Variants in KDM5A observed in about 807,000 individuals in gnomAD.
The protein encoded by KDM5A is lysine demethylase 5A.
KDM5A carries 42 observed loss-of-function variants against 193.5 expected under a neutral mutation model. The observed-to-expected ratio is 0.22, with a 90% confidence interval of 0.17 to 0.28. The LOEUF (loss-of-function observed/expected upper bound fraction) is 0.28, where lower values mean the gene tolerates loss of function less well. KDM5A is among the 10% of genes least tolerant of loss of function. The pLI is 1.00. For missense variants in KDM5A, 1,692 were observed against 2,055.1 expected (o/e 0.82, Z 3.42); for synonymous variants, 796 against 718.1 (o/e 1.11, Z -1.73).
intron 4 of KDM5A, 99 bp from the exon 5 acceptor site, chr12:363,196 C>T: frequency 2.2e-6 from 3 of 1,337,718 alleles, no homozygotes; most frequent in South Asian, 1.2e-5. Context: ...ATCCCTAAAA[C>T]TAGACCGCAA....
Position 307,237 on chromosome 12 carries a change from T to G in KDM5A, c.3931-148A>C. The G allele has an allele frequency of 9.2e-7, 1 of 1,084,820 alleles. No individual in the cohort carries two copies. The highest frequency in any genetic ancestry group is 1.4e-6 in the Non-Finnish European group (1 of 730,354). 67.2% of individuals were successfully genotyped at this position (1,084,820 alleles called of 1,614,324 possible). On this transcript the variant is annotated intron_variant, in intron 23 of 27. Transcript: ENST00000399788. This position sits in a 1 kb window ranked among gnomAD's most constrained non-coding sequence, Gnocchi z 4.3. ...GTTAGTAGAAATCAAATTATTTGAT[T>G]ATGATGCCAAAGTCCACCTGAATGA...
At chr12:323,572 G>C (rs1311805118) in intron 15 of KDM5A, 28 bp downstream of exon 15, 1 of 1,602,396 alleles carries the variant, frequency 6.2e-7, no homozygotes, top group Non-Finnish European at 8.6e-7. Flanking sequence ...AAAAGGTAAT[G>C]GAAGTTTTAC....
chr12:361,454 A>G (rs745662684), intron 5 of KDM5A, among the ~76,000 whole-genome samples: 3 of 152,146 alleles, frequency 2.0e-5, no homozygotes, highest in Non-Finnish European at 2.9e-5. Flanking sequence ...TCAGCCTCCC[A>G]AAGTGCTAGG....
chr12:289,907 C>CTTTTTTTT (rs750918968), intron 27 of KDM5A, among the ~76,000 whole-genome samples: 64 of 99,510 alleles, frequency 6.4e-4, no homozygotes, highest in Non-Finnish European at 9.5e-4. Flanking sequence ...TTCTTTCTTT[C>CTTTTTTTT]TTTTTTTTTT....
rs756452184 is a variant in KDM5A at position 293,003 on chromosome 12, C to T, written c.4622G>A (p.Gly1541Asp). The T allele has an allele frequency of 1.3e-6, 2 of 1,592,456 alleles. No homozygotes were observed. The highest frequency in any genetic ancestry group is 1.7e-6 in the Non-Finnish European group (2 of 1,174,766). Reference protein sequence around the residue: ...DKPRKKKLKLGADKSKELNKL... With the variant: ...DKPRKKKLKLDADKSKELNKL... ...ATTCAGCTCCTTTGATTTGTCTGCA[C>T]CTAATTTTAATTTCTTCTTTCTAGG... Residue 1541 changes from glycine (G) to aspartate (D), a missense_variant, in exon 27 of 28, where the codon GGT becomes GAT. By Grantham distance (94) the Gly-to-Asp change is moderately conservative. This residue lies in a region of KDM5A where 965 missense variants were observed against 1,061.0 expected (regional missense o/e 0.91). Transcript: ENST00000399788.
intron 27 of KDM5A, among the ~76,000 whole-genome samples, chr12:289,044 T>C (rs970794226): frequency 2.0e-5 from 3 of 152,072 alleles, no homozygotes; most frequent in African/African-American, 7.2e-5. Context: ...AACACCCCCA[T>C]GAAAATCTTA....
In KDM5A at chr12:389,104, G is replaced by GT; in HGVS notation, c.-14_-13insA. 4.5e-6 allele frequency: 1 copy of GT among 220,232 alleles called. No individual in the cohort carries two copies. Among genetic ancestry groups the GT allele is most frequent in the South Asian group, 6.0e-5 (1 of 16,614 alleles). 13.6% of individuals were successfully genotyped at this position (220,232 alleles called of 1,614,324 possible). ...CCACGCCCGCCATTGCAACGGCCGGGGGGGGGGGGGGGTCCCCGTGGGGAA... is the reference window on the plus strand; with the variant it reads ...CCACGCCCGCCATTGCAACGGCCGGGTGGGGGGGGGGGGTCCCCGTGGGGAA... On this transcript the variant is annotated 5_prime_UTR_variant, in exon 1 of 28. Transcript: ENST00000399788.
In KDM5A at chr12:295,635, T is replaced by C; in HGVS notation, c.4393A>G (p.Ile1465Val). 1 of 1,614,174 alleles carries C rather than the reference T, an allele frequency of 6.2e-7. No homozygotes were observed. The highest frequency in any genetic ancestry group is 2.2e-5 in the East Asian group (1 of 44,882). Residue 1465 changes from isoleucine to valine, a missense_variant, in exon 26 of 28, where the codon ATA becomes GTA. By Grantham distance (29) the Ile-to-Val change is conservative. Coordinates refer to ENST00000399788, the MANE Select transcript of KDM5A (RefSeq NM_001042603.3). ...TGTGTGGCCTGCAAAATCCGCCATATGTGTTGAGTCTCGTCCAGAGATACT... is the reference window on the plus strand; with the variant it reads ...TGTGTGGCCTGCAAAATCCGCCATACGTGTTGAGTCTCGTCCAGAGATACT... ...LEVSLDETQH[I>V]WRILQATHPP...
rs192288101 is a variant in KDM5A at position 322,623 on chromosome 12, T to C, written c.2276-56A>G. The C allele has an allele frequency of 7.8e-5, 116 of 1,494,984 alleles. No homozygotes were observed. The East Asian group carries it at 2.3e-3, about 30-fold the overall frequency. 92.6% of individuals were successfully genotyped at this position (1,494,984 alleles called of 1,614,324 possible). On this transcript the variant is annotated intron_variant, in intron 16 of 27. Coordinates refer to ENST00000399788, the MANE Select transcript of KDM5A (RefSeq NM_001042603.3). Reference sequence around the variant, plus strand: ...AATAACCATAGACACAAAAAGCCATTCTAAAATCTTCACCAACCTCACTCA... The same window carrying C: ...AATAACCATAGACACAAAAAGCCATCCTAAAATCTTCACCAACCTCACTCA...
chr12:332,564 A>G (rs1682570785), intron 12 of KDM5A, among the ~76,000 whole-genome samples: 1 of 152,212 alleles, frequency 6.6e-6, no homozygotes. Flanking sequence ...ATCAGGCATT[A>G]GCTTGAATTT....
chr12:294,420 G>A (rs1943343631), intron 26 of KDM5A, among the ~76,000 whole-genome samples: 1 of 152,144 alleles, frequency 6.6e-6, no homozygotes, highest in Admixed American at 6.5e-5. Context: ...AGAATCAGCA[G>A]AATCCAAAAG....
Position 385,980 on chromosome 12 carries a change from TAG to T in KDM5A, c.166-8_166-7del. The T allele has an allele frequency of 6.2e-7, 1 of 1,610,660 alleles. No homozygotes were observed. The highest frequency in any genetic ancestry group is 8.5e-7 in the Non-Finnish European group (1 of 1,177,052). On this transcript the variant is annotated splice_polypyrimidine_tract_variant and splice_region_variant and intron_variant, in intron 1 of 27. Transcript: ENST00000399788. ...GCAAATGGAGGCTGCCAGTCCTAAA[TAG>T]AAAGATTTTTTTAAAAAAACACAGT...
rs1485983791 is a variant in KDM5A at position 285,523 on chromosome 12, G to A, written c.5006C>T (p.Pro1669Leu). The A allele has an allele frequency of 1.9e-6, 3 of 1,613,948 alleles. No individual in the cohort carries two copies. The highest frequency in any genetic ancestry group is 2.7e-5 in the African/African-American group (2 of 74,916). ...AKKQGPVSPG[P>L]APPPSFIMSY... ...CATTATGAAGGAAGGAGGTGGTGCT[G>A]GACCTGGGCTAACTGGCCCCTGCTT... is the stretch of plus-strand genomic sequence containing the variant. Residue 1669 changes from proline to leucine, a missense_variant, in exon 28 of 28, where the codon CCA (proline) becomes CTA (leucine). Pro to Leu is a moderately conservative substitution (Grantham distance 98). Coordinates refer to ENST00000399788, the MANE Select transcript of KDM5A (RefSeq NM_001042603.3).
chr12:289,806 A>T (rs924616102), intron 27 of KDM5A, among the ~76,000 whole-genome samples: 2 of 151,796 alleles, frequency 1.3e-5, no homozygotes, highest in African/African-American at 4.8e-5. Context: ...ATTACTGGTC[A>T]GAGAATTCAC....
intron 24 of KDM5A, 113 bp from the exon 25 acceptor site, chr12:297,313 G>T (rs1943386106): frequency 5.9e-6 from 5 of 854,698 alleles, no homozygotes; most frequent in Non-Finnish European, 9.3e-6. Flanking sequence ...AAAAATATGA[G>T]ATTAAAATTA....
At chr12:372,738 T>C (rs1030879584) in intron 3 of KDM5A, among the ~76,000 whole-genome samples, 2 of 152,224 alleles carry the variant, frequency 1.3e-5, no homozygotes, top group East Asian at 1.9e-4. Flanking sequence ...TTGTCATAAA[T>C]AGCTCTTATT....
intron 26 of KDM5A, among the ~76,000 whole-genome samples, chr12:295,095 G>C (rs1943352032): frequency 6.6e-6 from 1 of 152,082 alleles, no homozygotes. Flanking sequence ...GGGCTACAGA[G>C]GTTGTTCTAA....
At chr12:387,178 G>T in intron 1 of KDM5A, 1 of 307,036 alleles carries the variant, frequency 3.3e-6, no homozygotes, top group Non-Finnish European at 6.2e-6. Flanking sequence ...GTTTGATTTG[G>T]CCTAAATAAC....
At chr12:350,270 CTACAAAAA>C (rs759136840) in intron 10 of KDM5A, among the ~76,000 whole-genome samples, 8 of 151,882 alleles carry the variant, frequency 5.3e-5, no homozygotes, top group Admixed American at 2.0e-4. Context: ...AACCCTGTCT[CTACAAAAA>C]TACAAAAATT....
Sources: allele counts gnomAD v4.1 joint callset (sites outside exome capture counted in the v4.1 genomes callset), GRCh38; gene constraint gnomAD v4.1.1; regional missense constraint gnomAD v4.1.1; non-coding constraint Gnocchi (gnomAD v3.1); transcripts MANE v1.5; gene names NCBI Gene and HGNC (gene_info 2026-07-23, HGNC 2026-07-21).